The following RNF216 variants were observed in gnomAD, a reference collection of about 807,000 sequenced individuals.
RNF216 encodes E3 ubiquitin-protein ligase RNF216.
RNF216 carries 72 observed loss-of-function variants against 110.8 expected under a neutral mutation model. That is an observed-to-expected ratio of 0.65 (90% CI 0.54 to 0.79). RNF216 has a LOEUF of 0.79. RNF216 is among the 30% of genes least tolerant of loss of function. The pLI, the probability that RNF216 is intolerant of heterozygous loss-of-function variation, is 0.00. For synonymous variants in RNF216, 495 were observed against 407.5 expected, an observed-to-expected ratio of 1.21 and a Z score of -2.59; for missense variants, 1,342 against 1,141.2, an observed-to-expected ratio of 1.18 and a Z score of -2.54.
rs542538125 is a variant in RNF216, at chr7:5,620,550, G to A, written c.*2310C>T. The A allele has an allele frequency of 1.3e-5, 2 of 152,404 alleles. No homozygotes were observed. The highest frequency in any genetic ancestry group is 1.3e-4 in the Admixed American group (2 of 15,308). 9.4% of individuals were successfully genotyped at this position (152,404 alleles called of 1,614,324 possible). ...GGTGGGTGCTCACGGCAGCCCTGTGGTCCCCCGTGCCTGGCTCGGGGAGGA... is the reference window on the plus strand; with the variant it reads ...GGTGGGTGCTCACGGCAGCCCTGTGATCCCCCGTGCCTGGCTCGGGGAGGA... On this transcript the variant is annotated 3_prime_UTR_variant, in exon 17 of 17. Transcript: ENST00000389902.
chr7:5,634,343 C>G (rs59987579), intron 15 of RNF216, among the ~76,000 whole-genome samples: 17 of 152,182 alleles, frequency 1.1e-4, no homozygotes, highest in African/African-American at 3.1e-4. Flanking sequence ...TCATGTGTGG[C>G]CACAGCTGTT....
intron 1 of RNF216, among the ~76,000 whole-genome samples, chr7:5,761,546 G>A (rs1795934538): frequency 6.6e-6 from 1 of 152,206 alleles, no homozygotes; most frequent in Non-Finnish European, 1.5e-5. Flanking sequence ...CCAGCACTTT[G>A]GGAGGCCGAG....
At chr7:5,647,782 A>G (rs968451579) in intron 14 of RNF216, among the ~76,000 whole-genome samples, 5 of 152,144 alleles carry the variant, frequency 3.3e-5, no homozygotes, top group Non-Finnish European at 7.3e-5. Context: ...TACATCTTAA[A>G]TATTTCTTAA....
chr7:5,725,546 C>T, intron 7 of RNF216, 108 bp from the exon 8 acceptor site: 1 of 693,420 alleles, frequency 1.4e-6, no homozygotes, highest in African/African-American at 1.8e-5. Context: ...GTCTACCCAG[C>T]ATGGCTAACA....
intron 15 of RNF216, among the ~76,000 whole-genome samples, chr7:5,630,302 T>C (rs527643161): frequency 6.6e-6 from 1 of 152,160 alleles, no homozygotes; most frequent in Admixed American, 6.5e-5. Context: ...CTTGAGTGCA[T>C]ATGCAGCTCT....
intron 13 of RNF216, among the ~76,000 whole-genome samples, chr7:5,664,170 A>G (rs1037483378): frequency 4.6e-5 from 7 of 152,186 alleles, no homozygotes; most frequent in Non-Finnish European, 1.0e-4. Flanking sequence ...TGTACTTTCC[A>G]TGGGCAAAAA....
rs560583115 is a variant in RNF216, at chr7:5,729,610, G to A, written c.1225-14C>T. 2 of 1,610,858 alleles carry A rather than the reference G, an allele frequency of 1.2e-6. No homozygotes were observed. Among genetic ancestry groups the A allele is most frequent in the East Asian group, 4.5e-5 (2 of 44,870 alleles). Reference sequence around the variant, plus strand: ...TATTTTAGGCAACTGAAATGAGAGAGAAGCATAAAATCAGAGGCCAGGCAG... The same window carrying A: ...TATTTTAGGCAACTGAAATGAGAGAAAAGCATAAAATCAGAGGCCAGGCAG... On this transcript the variant is annotated splice_polypyrimidine_tract_variant and intron_variant, in intron 6 of 16. Coordinates refer to ENST00000389902, the MANE Select transcript of RNF216 (RefSeq NM_207111.4).
At chr7:5,711,276 C>T (rs1792669015) in intron 13 of RNF216, among the ~76,000 whole-genome samples, 1 of 152,198 alleles carries the variant, frequency 6.6e-6, no homozygotes, top group African/African-American at 2.4e-5. Flanking sequence ...AGTCAGTTCT[C>T]ATGAGGAGAA....
intron 4 of RNF216, among the ~76,000 whole-genome samples, chr7:5,739,782 C>T (rs976993196): frequency 6.6e-5 from 10 of 152,016 alleles, no homozygotes; most frequent in Non-Finnish European, 1.2e-4. Flanking sequence ...AGGCGGATCA[C>T]CTGAGGTCAG....
intron 5 of RNF216, among the ~76,000 whole-genome samples, chr7:5,733,781 C>G (rs1433329216): frequency 1.3e-5 from 2 of 151,948 alleles, no homozygotes; most frequent in African/African-American, 4.8e-5. Context: ...AGAAATGTCA[C>G]TTATGCTACT....
At chr7:5,701,435 C>T (rs914914975) in intron 13 of RNF216, among the ~76,000 whole-genome samples, 5 of 152,102 alleles carry the variant, frequency 3.3e-5, no homozygotes, top group South Asian at 4.1e-4. Flanking sequence ...CTCCTGAGGC[C>T]GCACATCTGC....
At chr7:5,776,311 C>T (rs538886008) in intron 1 of RNF216, among the ~76,000 whole-genome samples, 73 of 151,860 alleles carry the variant, frequency 4.8e-4, no homozygotes, top group Middle Eastern at 3.4e-3. Context: ...TAGCCGGGCA[C>T]GGTGGCTCAA....
chr7:5,625,068 G>A (rs1786623736), intron 15 of RNF216, among the ~76,000 whole-genome samples: 1 of 152,268 alleles, frequency 6.6e-6, no homozygotes, highest in African/African-American at 2.4e-5. Context: ...CCAAGTGGGT[G>A]CCCATCTTTC....
chr7:5,714,124 G>C (rs1257151461), intron 11 of RNF216, among the ~76,000 whole-genome samples: 1 of 152,090 alleles, frequency 6.6e-6, no homozygotes, highest in East Asian at 1.9e-4. Flanking sequence ...CACCACACCT[G>C]GCTAATTTTT....
chr7:5,778,058 C>T (rs1001764716), intron 1 of RNF216, among the ~76,000 whole-genome samples: 1 of 152,236 alleles, frequency 6.6e-6, no homozygotes, highest in African/African-American at 2.4e-5. Flanking sequence ...CAGGCTCCAT[C>T]CCTTGACATG....
intron 11 of RNF216, among the ~76,000 whole-genome samples, 185 bp from the exon 12 acceptor site, chr7:5,713,048 T>C (rs1357313255): frequency 6.6e-6 from 1 of 152,150 alleles, no homozygotes. Context: ...ATCTTTGATA[T>C]CACTAAAGGA....
chr7:5,633,261 G>C (rs1332280896), intron 15 of RNF216, among the ~76,000 whole-genome samples: 1 of 151,920 alleles, frequency 6.6e-6, no homozygotes, highest in Non-Finnish European at 1.5e-5. Flanking sequence ...ACAGGTGTGA[G>C]CCACTGCGCC....
chr7:5,725,685 A>G (rs1793708409), intron 7 of RNF216, among the ~76,000 whole-genome samples: 1 of 152,110 alleles, frequency 6.6e-6, no homozygotes. Flanking sequence ...CCCTGTCTGT[A>G]CTAAAAATAC....
At chr7:5,673,138 ACACCAAATGCCC>A (rs1790030096) in intron 13 of RNF216, among the ~76,000 whole-genome samples, 1 of 152,052 alleles carries the variant, frequency 6.6e-6, no homozygotes, top group East Asian at 1.9e-4. Flanking sequence ...GTCCTCTACA[ACACCAAATGCCC>A]CACCTGCGGG....
Sources: gnomAD v4.1 joint callset for allele counts (sites outside exome capture counted in the v4.1 genomes callset) on GRCh38, gnomAD v4.1.1 for gene constraint, MANE v1.5 for transcripts, NCBI Gene and HGNC (gene_info 2026-07-23, HGNC 2026-07-21) for gene names.